DPY30: variants seen among roughly 807,000 people sequenced by gnomAD.
The protein encoded by DPY30 is dpy-30 histone methyltransferase complex regulatory subunit, also known as protein dpy-30 homolog.
DPY30 carries 6 observed loss-of-function variants against 16.2 expected under a neutral mutation model. The observed-to-expected ratio is 0.37, with a 90% CI of 0.20 to 0.73. The LOEUF (loss-of-function observed/expected upper bound fraction) is 0.73, where lower values mean the gene tolerates loss of function less well. Among genes scored for constraint, DPY30 ranks in the 30% least tolerant of loss-of-function variants. DPY30 has a pLI of 0.51. For missense variants in DPY30, 73 were observed against 113.1 expected (o/e 0.65, Z 1.61); for synonymous variants, 39 against 38.8 (o/e 1.00, Z -0.02).
At chr2:32,014,485 CTTTT>C (rs34360226) in intron 5 of DPY30, among the ~76,000 whole-genome samples, 2 of 141,106 alleles carry the variant, frequency 1.4e-5, no homozygotes, top group Admixed American at 7.1e-5. Flanking sequence ...GAGATCCCAT[CTTTT>C]TTTTTTTTTT....
At chr2:32,033,845 A>G (rs1675634703) in intron 3 of DPY30, among the ~76,000 whole-genome samples, 1 of 152,222 alleles carries the variant, frequency 6.6e-6, no homozygotes. Context: ...AAAAATAGAT[A>G]TAGCCAAACT....
chr2:32,023,466 T>C (rs757647235), downstream of DPY30: 1 of 473,136 alleles, frequency 2.1e-6, no homozygotes, highest in African/African-American at 2.0e-5. Flanking sequence ...TCCAAGTCTG[T>C]TTCCTCATCT....
chr2:32,036,141 T>C (rs542216456), intron 3 of DPY30, among the ~76,000 whole-genome samples: 1 of 130,218 alleles, frequency 7.7e-6, no homozygotes, highest in Non-Finnish European at 1.7e-5. Flanking sequence ...CACACCACCA[T>C]ACCCAGCTAA....
At chr2:32,019,455 G>T (rs552027249), downstream of DPY30, among the ~76,000 whole-genome samples, 1 of 152,220 alleles carries the variant, frequency 6.6e-6, no homozygotes, top group East Asian at 1.9e-4. Context: ...AGATTTCAGT[G>T]AGTCAAGATC....
intron 4 of DPY30, among the ~76,000 whole-genome samples, chr2:32,026,081 T>G (rs1418305700): frequency 2.0e-5 from 3 of 151,820 alleles, no homozygotes; most frequent in South Asian, 2.1e-4. Context: ...GTATTCCAGC[T>G]GGGGCAACAG....
intron 3 of DPY30, among the ~76,000 whole-genome samples, chr2:32,037,942 T>C (rs572354302): frequency 1.3e-5 from 2 of 151,888 alleles, no homozygotes; most frequent in Non-Finnish European, 2.9e-5. Flanking sequence ...ATAATAGTAA[T>C]AGCTGTTAAT....
rs70964748 is a variant in DPY30 at position 32,038,409 on chromosome 2, A to AGGG, written c.84+867_84+869dup. Among the ~76,000 whole-genome samples the AGGG allele has an allele frequency of 1.1e-3, 39 of 34,350 alleles. 1 individual carries two copies. Among genetic ancestry groups the AGGG allele is most frequent in the Non-Finnish European group, 1.7e-3 (30 of 18,028 alleles). The allele number at this position is 34,350 out of a possible 152,430, so 22.5% of individuals were successfully genotyped here. ...AGCCACCGCGTCCGGCCTTATTTTG[A>AGGG]GGGGGGGGGGGGCGGGGGGAGGGAA... On this transcript the variant is annotated intron_variant, in intron 3 of 4. Transcript: ENST00000342166.
At chr2:32,018,797 T>C (rs568562115) in intron 5 of DPY30, among the ~76,000 whole-genome samples, 6 of 151,910 alleles carry the variant, frequency 3.9e-5, no homozygotes, top group South Asian at 2.1e-4. Flanking sequence ...AGGCGGGCGA[T>C]TGCTTGAGCC....
At chr2:32,026,599 T>G (rs1038995418) in intron 4 of DPY30, among the ~76,000 whole-genome samples, 2 of 152,178 alleles carry the variant, frequency 1.3e-5, no homozygotes, top group East Asian at 3.8e-4. Flanking sequence ...CAGACCAGCC[T>G]AATCAACATG....
chr2:32,015,469 A>G (rs1042920053), intron 5 of DPY30, among the ~76,000 whole-genome samples: 3 of 152,234 alleles, frequency 2.0e-5, no homozygotes, highest in African/African-American at 7.2e-5. Context: ...TTCATTTCCA[A>G]TGTTTTGTAA....
chr2:32,014,640 C>G (rs566528198), intron 5 of DPY30, among the ~76,000 whole-genome samples: 1 of 152,070 alleles, frequency 6.6e-6, no homozygotes, highest in African/African-American at 2.4e-5. Context: ...CCCACCACCA[C>G]GCCCGGCTAA....
At chr2:32,018,074 A>G (rs768045580) in intron 5 of DPY30, among the ~76,000 whole-genome samples, 1 of 152,150 alleles carries the variant, frequency 6.6e-6, no homozygotes, top group East Asian at 1.9e-4. Context: ...TGAGAAATAA[A>G]TTGTTGTTTA....
chr2:32,014,202 G>A (rs1354543120), intron 5 of DPY30, among the ~76,000 whole-genome samples: 2 of 152,058 alleles, frequency 1.3e-5, no homozygotes, highest in Non-Finnish European at 2.9e-5. Flanking sequence ...GAATGAAGTG[G>A]CTGGGCACAG....
intron 5 of DPY30, among the ~76,000 whole-genome samples, chr2:32,017,569 A>G (rs1172262674): frequency 6.6e-6 from 1 of 150,830 alleles, no homozygotes; most frequent in Admixed American, 6.6e-5. Context: ...GAGTCGAGAT[A>G]GTGCCATTGC....
intron 3 of DPY30, among the ~76,000 whole-genome samples, chr2:32,036,761 C>T (rs1355147088): frequency 6.6e-6 from 1 of 151,216 alleles, no homozygotes; most frequent in Non-Finnish European, 1.5e-5. Flanking sequence ...CCCACCTACT[C>T]GGGAGGCTGA....
At chr2:32,018,203 G>C (rs899144538) in intron 5 of DPY30, among the ~76,000 whole-genome samples, 1 of 152,106 alleles carries the variant, frequency 6.6e-6, no homozygotes, top group African/African-American at 2.4e-5. Context: ...GTCAGAGGCA[G>C]ACAAGATGAG....
intron 5 of DPY30, among the ~76,000 whole-genome samples, chr2:32,015,408 A>G (rs928421198): frequency 6.6e-6 from 1 of 152,100 alleles, no homozygotes; most frequent in East Asian, 1.9e-4. Flanking sequence ...GTATCTGAAC[A>G]CTAGACTAAG....
At chr2:32,011,901 T>G (rs116064914), downstream of DPY30, 4,426 of 152,246 alleles carry the variant, frequency 0.029, 104 homozygotes, top group Non-Finnish European at 0.046. Context: ...AATTTTTTAT[T>G]TTTTAATTAT....
At position 32,037,190 on chromosome 2, in the gene DPY30, T is replaced by C. The variant is rs189685758; in HGVS notation, c.84+2089A>G. ...TGGGCAGGAGGAAAATGATACCTTT[T>C]GGGAAAGATGGAAATCTAGACCTAC... On this transcript the variant is annotated intron_variant, in intron 3 of 4. Transcript: ENST00000342166. 4.3e-4 allele frequency among the ~76,000 whole-genome samples: 66 copies of C among 151,972 alleles called. No homozygotes were observed. In the Middle Eastern group the frequency reaches 0.014, roughly 31 times the overall value.
Sources: allele counts gnomAD v4.1 joint callset (sites outside exome capture counted in the v4.1 genomes callset), GRCh38; gene constraint gnomAD v4.1.1; transcripts MANE v1.5; gene names NCBI Gene and HGNC (gene_info 2026-07-23, HGNC 2026-07-21).